IL11RA: variants seen among roughly 807,000 people sequenced by gnomAD.
IL11RA encodes the protein interleukin-11 receptor subunit alpha.
In IL11RA, 51 loss-of-function variants were observed where a neutral mutation model predicts 57.0. The observed-to-expected ratio is 0.89, with a 90% confidence interval of 0.71 to 1.13. IL11RA has a LOEUF of 1.13. IL11RA is among the 50% of genes most tolerant of loss of function. The pLI, the probability that IL11RA is intolerant of heterozygous loss-of-function variation, is 0.00. For missense variants in IL11RA, 498 were observed against 539.4 expected (o/e 0.92, Z 0.76); for synonymous variants, 199 against 217.5 (o/e 0.91, Z 0.75).
In IL11RA at chr9:34,658,207, A is replaced by C. The variant is rs1821383773; in HGVS notation, c.647-313A>C. On this transcript the variant is annotated intron_variant, in intron 7 of 12. Transcript: ENST00000441545. The surrounding 1 kb of genome is among the most constrained non-coding windows in gnomAD (Gnocchi z 4.0). ...AGGCATGTGCCACCATGTCTGGTTAATTTTTAAAATTTTTTGTAGAGACAG... is the reference window on the plus strand; with the variant it reads ...AGGCATGTGCCACCATGTCTGGTTACTTTTTAAAATTTTTTGTAGAGACAG... Among the ~76,000 whole-genome samples, 1 of 152,098 alleles carries C rather than the reference A, an allele frequency of 6.6e-6. No individual in the cohort carries two copies. Among genetic ancestry groups the C allele is most frequent in the Admixed American group, 6.6e-5 (1 of 15,244 alleles).
chr9:34,653,937 G>C lies in IL11RA; in HGVS notation c.1-1281G>C, dbSNP rs1288500097. The C allele has an allele frequency of 1.3e-5, 2 of 152,636 alleles. No homozygotes were observed. Among genetic ancestry groups the C allele is most frequent in the African/African-American group, 4.8e-5 (2 of 41,392 alleles). The allele number at this position is 152,636 out of a possible 1,614,324, so 9.5% of individuals were successfully genotyped here. A position where few individuals can be genotyped will look rare whatever the true frequency, so the allele number is the denominator to read the frequency against. On this transcript the variant is annotated intron_variant, in intron 1 of 12. Transcript: ENST00000441545. This position sits in a 1 kb window ranked among gnomAD's most constrained non-coding sequence, Gnocchi z 4.5. Reference sequence around the variant, plus strand: ...CAGAACTGAGTGGAGTAGGAGACGGGGGCTGTAGCTGGTGAGAGGAAGTCC... The same window carrying C: ...CAGAACTGAGTGGAGTAGGAGACGGCGGCTGTAGCTGGTGAGAGGAAGTCC...
chr9:34,660,590 C>T lies in IL11RA; in HGVS notation c.1159C>T (p.Leu387=). The T allele has an allele frequency of 6.2e-7, 1 of 1,613,638 alleles. No individual in the cohort carries two copies. The highest frequency in any genetic ancestry group is 1.1e-5 in the South Asian group (1 of 91,058). The change falls in exon 11 of 13, where the codon CTG becomes TTG. Residue 387 remains leucine (L), a synonymous_variant. Transcript: ENST00000441545. ...GGGACTGGTGGCTGGGGCCCTGGCA[C>T]TGGGGCTCTGGTAAGTGACTGCCAT... ...FLGLVAGALA[L]GLWLRLRRGG...
intron 3 of IL11RA, chr9:34,655,927 AT>A: frequency 1.9e-6 from 1 of 538,892 alleles, no homozygotes; most frequent in African/African-American, 1.9e-5. Context: ...AAGAGCTTAC[AT>A]CTTAGTGGGG....
rs574272437 is a variant in IL11RA at position 34,653,523 on chromosome 9, A to G, written c.-1+1290A>G. On this transcript the variant is annotated intron_variant, in intron 1 of 12. Coordinates refer to ENST00000441545, the MANE Select transcript of IL11RA (RefSeq NM_001142784.3). The surrounding 1 kb of genome is among the most constrained non-coding windows in gnomAD (Gnocchi z 4.5). ...ACAGCCAGCTGTACCCTAAGGAAAC[A>G]TTTGGTGAGGAGTGAAAAGAGGGGG... Among the ~76,000 whole-genome samples, 2 of 152,270 alleles carry G rather than the reference A, an allele frequency of 1.3e-5. No homozygotes were observed. The highest frequency in any genetic ancestry group is 4.8e-5 in the African/African-American group (2 of 41,566).
chr9:34,652,567 A>G (rs1254595227), intron 1 of IL11RA, among the ~76,000 whole-genome samples: 1 of 151,930 alleles, frequency 6.6e-6, no homozygotes, highest in Non-Finnish European at 1.5e-5. Context: ...GTGTTTTGGG[A>G]AGGTCTCTGT....
At position 34,657,438 on chromosome 9, in the gene IL11RA, GGCCCT is replaced by G; in HGVS notation, c.499_503del (p.Pro167AlafsTer18). On this transcript the variant is annotated frameshift_variant, in exon 7 of 13. Transcript: ENST00000441545. LOFTEE classifies it high-confidence loss of function. ...CCTTCTAGGAGGAGTCCATCCACAG[GGCCCT>G]GGCCATGCCCACAGGATCCCCTAGG... is the stretch of plus-strand genomic sequence containing the variant. The G allele has an allele frequency of 6.2e-7, 1 of 1,614,152 alleles. No individual in the cohort carries two copies.
intron 5 of IL11RA, 54 bp downstream of exon 5, chr9:34,657,203 G>A (rs1215757645): frequency 2.5e-6 from 4 of 1,605,720 alleles, no homozygotes; most frequent in Non-Finnish European, 2.6e-6. Flanking sequence ...CTGGTGCAAT[G>A]TGGGTGTGGG....
chr9:34,655,781 T>C, intron 3 of IL11RA, 116 bp downstream of exon 3: 1 of 845,542 alleles, frequency 1.2e-6, no homozygotes, highest in East Asian at 2.6e-5. Flanking sequence ...CTCACCTCTC[T>C]ATCTGTCCTA....
At chr9:34,660,024 C>A in intron 9 of IL11RA, 124 bp downstream of exon 9, 1 of 1,321,156 alleles carries the variant, frequency 7.6e-7, no homozygotes, top group East Asian at 2.5e-5. Flanking sequence ...ATTGCTGTCC[C>A]AGACTTCAGA....
intron 1 of IL11RA, among the ~76,000 whole-genome samples, chr9:34,654,545 C>T (rs1821305394): frequency 6.6e-6 from 1 of 152,140 alleles, no homozygotes; most frequent in African/African-American, 2.4e-5. Context: ...CTACACAGCC[C>T]CAGCCTGCAC....
At chr9:34,654,253 C>T (rs997689386) in intron 1 of IL11RA, among the ~76,000 whole-genome samples, 1 of 152,142 alleles carries the variant, frequency 6.6e-6, no homozygotes, top group African/African-American at 2.4e-5. Flanking sequence ...CTAGCATCCC[C>T]CACCTGCCAT....
chr9:34,661,814 G>A lies in IL11RA; in HGVS notation c.*316G>A, dbSNP rs1054813306. On this transcript the variant is annotated 3_prime_UTR_variant, in exon 13 of 13. Coordinates refer to ENST00000441545, the MANE Select transcript of IL11RA (RefSeq NM_001142784.3). Reference sequence around the variant, plus strand: ...TGTAGGTGCCTGGGGAGTGTGTGTGGGTCCTTGGCTCTTGGCCTTTCCCCT... The same window carrying A: ...TGTAGGTGCCTGGGGAGTGTGTGTGAGTCCTTGGCTCTTGGCCTTTCCCCT... The A allele has an allele frequency of 9.6e-7, 1 of 1,043,916 alleles. No individual in the cohort carries two copies. The allele number at this position is 1,043,916 out of a possible 1,614,324, so 64.7% of individuals were successfully genotyped here.
intron 9 of IL11RA, 122 bp from the exon 10 acceptor site, chr9:34,660,152 G>T: frequency 2.1e-6 from 3 of 1,441,592 alleles, no homozygotes; most frequent in Non-Finnish European, 9.7e-7. Flanking sequence ...AGCTGGCCAT[G>T]CCCTATCAGG....
chr9:34,657,194 T>A, intron 5 of IL11RA, 45 bp downstream of exon 5: 3 of 1,601,832 alleles, frequency 1.9e-6, no homozygotes, highest in Non-Finnish European at 2.6e-6. Context: ...TTGGGTATGC[T>A]GGTGCAATGT....
In IL11RA at chr9:34,660,870, G is replaced by T. The variant is rs749680053; in HGVS notation, c.1186G>T (p.Gly396Cys). The T allele has an allele frequency of 5.1e-5, 83 of 1,614,072 alleles. No homozygotes were observed. Among genetic ancestry groups the T allele is most frequent in the Non-Finnish European group, 6.9e-5 (82 of 1,180,026 alleles). Residue 396 changes from glycine (G) to cysteine (C), a missense_variant, in exon 12 of 13, where the codon GGT (glycine) becomes TGT (cysteine). Coordinates refer to ENST00000441545, the MANE Select transcript of IL11RA (RefSeq NM_001142784.3). The stretch of plus-strand genomic sequence containing the variant: ...ATGCCCCAGGCTGAGGCTGAGACGG[G>T]GTGGGAAGGATGGATCCCCAAAGCC... ...ALGLWLRLRR[G>C]GKDGSPKPGF...
chr9:34,655,382 C>A, intron 2 of IL11RA, 65 bp downstream of exon 2: 1 of 1,028,834 alleles, frequency 9.7e-7, no homozygotes, highest in Non-Finnish European at 1.5e-6. Flanking sequence ...TCACTGTGGC[C>A]CCTTCCCATG....
At chr9:34,659,991 G>C (rs1364743585) in intron 9 of IL11RA, 91 bp downstream of exon 9, 3 of 1,495,516 alleles carry the variant, frequency 2.0e-6, no homozygotes, top group Non-Finnish European at 2.8e-6. Flanking sequence ...GGTGGCACAT[G>C]CCCTGCCCAC....
In IL11RA at chr9:34,657,507, G is replaced by T; in HGVS notation, c.566G>T (p.Ser189Ile). The T allele has an allele frequency of 6.2e-7, 1 of 1,614,200 alleles. No individual in the cohort carries two copies. The highest frequency in any genetic ancestry group is 8.5e-7 in the Non-Finnish European group (1 of 1,180,014). ...RCVVHGAEFW[S>I]QYRINVTEVN... ...GTTGTCCACGGGGCTGAGTTCTGGA[G>T]CCAGTACCGGATTAATGTGACTGAG... is the stretch of plus-strand genomic sequence containing the variant. The change falls in exon 7 of 13, where the codon AGC (serine) becomes ATC (isoleucine). Residue 189 changes from serine (S) to isoleucine (I), a missense_variant. Coordinates refer to ENST00000441545, the MANE Select transcript of IL11RA (RefSeq NM_001142784.3).
Position 34,659,815 on chromosome 9 carries a change from T to C in IL11RA, c.867T>C (p.His289=). The part of the protein sequence containing the change: ...VITDAVAGLP[H]AVRVSARDFL... ...CAGATGCTGTGGCTGGGCTGCCCCA[T>C]GCTGTACGAGTCAGTGCCCGGGACT... The change falls in exon 9 of 13, where the codon CAT becomes CAC. Residue 289 remains histidine (H), a synonymous_variant. Coordinates refer to ENST00000441545, the MANE Select transcript of IL11RA (RefSeq NM_001142784.3). 1 of 1,614,154 alleles carries C rather than the reference T, an allele frequency of 6.2e-7. No homozygotes were observed. The highest frequency in any genetic ancestry group is 1.3e-5 in the African/African-American group (1 of 75,048).
Sources: allele counts gnomAD v4.1 joint callset (sites outside exome capture counted in the v4.1 genomes callset), GRCh38; gene constraint gnomAD v4.1.1; non-coding constraint Gnocchi (gnomAD v3.1); transcripts MANE v1.5; gene names NCBI Gene and HGNC (gene_info 2026-07-23, HGNC 2026-07-21).